The following RPS6KA2 variants were observed in gnomAD, a reference collection of about 807,000 sequenced individuals.
RPS6KA2 encodes the protein ribosomal protein S6 kinase alpha-2.
In RPS6KA2, 42 loss-of-function variants were observed where a neutral mutation model predicts 91.8. The ratio of observed to expected loss-of-function variants is 0.46; its 90% CI spans 0.36 to 0.59. The LOEUF is 0.59. Among genes scored for constraint, RPS6KA2 ranks in the 20% least tolerant of loss-of-function variants. The pLI is 0.00. For missense variants in RPS6KA2, 798 were observed against 978.5 expected (o/e 0.82, Z 2.46); for synonymous variants, 414 against 393.6 (o/e 1.05, Z -0.61).
chr6:166,518,663 A>G (rs1192939980), intron 3 of RPS6KA2, among the ~76,000 whole-genome samples: 1 of 152,176 alleles, frequency 6.6e-6, no homozygotes, highest in Non-Finnish European at 1.5e-5. Context: ...GTATATGTTG[A>G]GTTTAGGGTG....
intron 1 of RPS6KA2, among the ~76,000 whole-genome samples, chr6:166,859,866 C>T (rs1003955262): frequency 1.3e-5 from 2 of 152,180 alleles, no homozygotes; most frequent in Non-Finnish European, 2.9e-5. Context: ...CAGCAAGGAA[C>T]TAAAGCAATA....
chr6:166,847,959 G>A (rs1419765579), intron 2 of RPS6KA2, among the ~76,000 whole-genome samples: 1 of 152,134 alleles, frequency 6.6e-6, no homozygotes, highest in Non-Finnish European at 1.5e-5. Context: ...GAAATGATCA[G>A]CAGAGTTAAC....
chr6:166,848,633 T>C (rs2128631667), intron 2 of RPS6KA2, among the ~76,000 whole-genome samples: 1 of 152,348 alleles, frequency 6.6e-6, no homozygotes, highest in South Asian at 2.1e-4. Flanking sequence ...ACCATTATTC[T>C]TAGTGAAGTA....
At chr6:166,601,208 G>C (rs959798997) in intron 1 of RPS6KA2, among the ~76,000 whole-genome samples, 4 of 152,192 alleles carry the variant, frequency 2.6e-5, no homozygotes, top group Admixed American at 1.3e-4. Context: ...CTACTTGCAA[G>C]CAAGTTATAT....
intron 2 of RPS6KA2, among the ~76,000 whole-genome samples, chr6:166,684,743 C>T (rs1482567819): frequency 6.6e-6 from 1 of 152,224 alleles, no homozygotes; most frequent in East Asian, 1.9e-4. Context: ...AGCCTCACCT[C>T]CAGCCTACAT....
rs1432075896 is a variant in RPS6KA2 at position 166,423,396 on chromosome 6, G to A, written c.1603C>T (p.Pro535Ser). 6.2e-7 allele frequency: 1 copy of A among 1,611,072 alleles called. No homozygotes were observed. The highest frequency in any genetic ancestry group is 2.2e-5 in the East Asian group (1 of 44,778). The change falls in exon 17 of 21, where the codon CCG becomes TCG. Residue 535 changes from proline (P) to serine (S), a missense_variant. Transcript: ENST00000265678. This position sits in a 1 kb window ranked among gnomAD's most constrained non-coding sequence, Gnocchi z 4.8. ...SQGVVHRDLK[P>S]SNILYRDESG... is the part of the protein sequence containing the mutation. ...TCATCCCTGTACAGGATGTTACTCG[G>A]CTTCAGGTCTCGATGAACAACCTGC... is the stretch of plus-strand genomic sequence containing the variant.
rs1398752115 is a variant in RPS6KA2 at position 166,821,666 on chromosome 6, C to G, written c.123+36534G>C. 4.6e-5 allele frequency among the ~76,000 whole-genome samples: 7 copies of G among 152,002 alleles called. No individual in the cohort carries two copies. The highest frequency in any genetic ancestry group is 2.9e-5 in the Non-Finnish European group (2 of 67,978). The stretch of plus-strand genomic sequence containing the variant: ...CTGTGCCCCAGATTTCCACTCGGAG[C>G]CCTCATCCCTTCATAATCTGTAGCC... On this transcript the variant is annotated intron_variant, in intron 2 of 21. Coordinates refer to the RPS6KA2 transcript ENST00000503859. This position sits in a 1 kb window ranked among gnomAD's most constrained non-coding sequence, Gnocchi z 4.1.
At chr6:166,458,355 T>C (rs185184049) in intron 12 of RPS6KA2, among the ~76,000 whole-genome samples, 1 of 152,318 alleles carries the variant, frequency 6.6e-6, no homozygotes, top group East Asian at 1.9e-4. Context: ...CTGCACAAGC[T>C]CTCTCTTTGT....
rs139272808 is a variant in RPS6KA2 at position 166,637,604 on chromosome 6, C to T, written c.124-98820G>A. On this transcript the variant is annotated intron_variant, in intron 2 of 21. Coordinates refer to the RPS6KA2 transcript ENST00000503859. ...CTGAAGACCGGAAATACTAACCAAG[C>T]GCTCAGAACTTAAAGTCAGTGTGGG... Among the ~76,000 whole-genome samples the T allele has an allele frequency of 8.5e-5, 13 of 152,334 alleles. No homozygotes were observed. The East Asian group carries it at 9.6e-4, about 11-fold the overall frequency.
At chr6:166,479,102 T>G (rs1333394282) in intron 10 of RPS6KA2, among the ~76,000 whole-genome samples, 1 of 152,132 alleles carries the variant, frequency 6.6e-6, no homozygotes, top group Non-Finnish European at 1.5e-5. Flanking sequence ...CCCTCTCCCC[T>G]CTTCTGAGAT....
At chr6:166,474,615 G>T (rs781594281) in intron 10 of RPS6KA2, among the ~76,000 whole-genome samples, 6 of 96,642 alleles carry the variant, frequency 6.2e-5, no homozygotes, top group African/African-American at 9.0e-5. Context: ...CTCCTGTCCT[G>T]GGGGGGAAGT....
chr6:166,776,931 G>A (rs977098746), intron 2 of RPS6KA2, among the ~76,000 whole-genome samples: 6 of 152,236 alleles, frequency 3.9e-5, no homozygotes, highest in African/African-American at 1.4e-4. Flanking sequence ...ACATACCTAG[G>A]AGGGGGTCAG....
intron 2 of RPS6KA2, among the ~76,000 whole-genome samples, chr6:166,643,429 G>A (rs1787510463): frequency 6.6e-6 from 1 of 152,156 alleles, no homozygotes; most frequent in Admixed American, 6.5e-5. Flanking sequence ...TAACATTAAT[G>A]TCATACATAG....
chr6:166,630,830 T>C (rs1787052333), upstream of RPS6KA2, among the ~76,000 whole-genome samples: 1 of 152,244 alleles, frequency 6.6e-6, no homozygotes, highest in Admixed American at 6.5e-5. Context: ...TTTATGACTT[T>C]GAAGTTTCTT....
chr6:166,834,407 G>C (rs1227980174), intron 2 of RPS6KA2, among the ~76,000 whole-genome samples: 1 of 148,572 alleles, frequency 6.7e-6, no homozygotes, highest in Admixed American at 6.9e-5. Flanking sequence ...GGAGCTAAAT[G>C]ATGAGAAGAC....
At position 166,538,649 on chromosome 6, in the gene RPS6KA2, C is replaced by G. The variant is rs754315236; in HGVS notation, c.216+19G>C. On this transcript the variant is annotated intron_variant, in intron 2 of 20. Transcript: ENST00000265678. ...GTGTTCAGGAATGAGACTCAAGAGA[C>G]AGCCAGGGCTGAACTTACCTTTCCA... The G allele has an allele frequency of 8.0e-6, 11 of 1,372,632 alleles. No individual in the cohort carries two copies. Among genetic ancestry groups the G allele is most frequent in the Non-Finnish European group, 1.1e-5 (11 of 961,268 alleles). 85.0% of individuals were successfully genotyped at this position (1,372,632 alleles called of 1,614,324 possible).
In RPS6KA2 at chr6:166,557,340, A is replaced by G. The variant is rs757773102; in HGVS notation, c.100-18556T>C. 4.3e-4 allele frequency among the ~76,000 whole-genome samples: 65 copies of G among 152,104 alleles called. 1 individual carries two copies. Among genetic ancestry groups the G allele is most frequent in the Non-Finnish European group, 5.9e-5 (4 of 68,010 alleles). On this transcript the variant is annotated intron_variant, in intron 1 of 20. Coordinates refer to ENST00000265678, the MANE Select transcript of RPS6KA2 (RefSeq NM_021135.6). This position sits in a 1 kb window ranked among gnomAD's most constrained non-coding sequence, Gnocchi z 4.8. ...GCCCAAAACCTAAATCGACATAAAC[A>G]CGGTCCTGGCCACCACGTCCCCCAC... is the stretch of plus-strand genomic sequence containing the variant.
At chr6:166,501,044 T>C in intron 6 of RPS6KA2, 120 bp from the exon 7 acceptor site, 1 of 838,148 alleles carries the variant, frequency 1.2e-6, no homozygotes, top group Non-Finnish European at 1.9e-6. Context: ...GGAGCCCTGA[T>C]GGAGCTGGCC....
At chr6:166,793,636 G>A (rs1040864178) in intron 2 of RPS6KA2, among the ~76,000 whole-genome samples, 18 of 151,968 alleles carry the variant, frequency 1.2e-4, no homozygotes, top group African/African-American at 4.1e-4. Flanking sequence ...AAACAGCATG[G>A]TACTGGTACC....
Sources: allele counts gnomAD v4.1 joint callset (sites outside exome capture counted in the v4.1 genomes callset), GRCh38; gene constraint gnomAD v4.1.1; non-coding constraint Gnocchi (gnomAD v3.1); transcripts MANE v1.5; gene names NCBI Gene and HGNC (gene_info 2026-07-23, HGNC 2026-07-21).